The following TECRL variants were observed in gnomAD, a reference collection of about 807,000 sequenced individuals.
The protein encoded by TECRL is trans-2,3-enoyl-CoA reductase-like.
A neutral mutation model predicts 52.8 loss-of-function variants in TECRL; 63 were observed. The ratio of observed to expected loss-of-function variants is 1.19; its 90% confidence interval spans 0.97 to 1.47. TECRL has a LOEUF of 1.47. TECRL is among the 40% of genes most tolerant of loss of function. TECRL has a pLI of 0.00. For missense variants in TECRL, 482 were observed against 429.6 expected (o/e 1.12, Z -1.08); for synonymous variants, 164 against 141.9 (o/e 1.16, Z -1.10).
intron 1 of TECRL, among the ~76,000 whole-genome samples, chr4:64,393,952 T>C (rs560013436): frequency 6.6e-6 from 1 of 152,148 alleles, no homozygotes; most frequent in Non-Finnish European, 1.5e-5. Flanking sequence ...TCTAAATATA[T>C]GTATATATAT....
chr4:64,368,561 T>C (rs1721771614), intron 2 of TECRL, among the ~76,000 whole-genome samples: 1 of 152,180 alleles, frequency 6.6e-6, no homozygotes, highest in Non-Finnish European at 1.5e-5. Context: ...CCGAAAGTGC[T>C]GGGATTACAG....
intron 9 of TECRL, among the ~76,000 whole-genome samples, chr4:64,287,759 G>A (rs1723154935): frequency 6.6e-6 from 1 of 152,092 alleles, no homozygotes; most frequent in African/African-American, 2.4e-5. Flanking sequence ...TTTTGCTAAT[G>A]ACTTATTACT....
Position 64,399,422 on chromosome 4 carries a change from A to G in TECRL, c.234+9696T>C, listed in dbSNP as rs1442490954. Among the ~76,000 whole-genome samples, 5 of 152,222 alleles carry G rather than the reference A, an allele frequency of 3.3e-5. No homozygotes were observed. The East Asian group carries it at 9.6e-4, about 29-fold the overall frequency. On this transcript the variant is annotated intron_variant, in intron 1 of 11. Transcript: ENST00000381210. ...GAGTTTTTTGAGAAGTAATTCGAGC[A>G]GGCTACTGAGCAACCACTTGCTAGA...
chr4:64,406,412 A>G (rs1451426332), intron 1 of TECRL, among the ~76,000 whole-genome samples: 7 of 151,950 alleles, frequency 4.6e-5, no homozygotes, highest in Non-Finnish European at 1.0e-4. Context: ...AATCATGTCA[A>G]AGAATAATTA....
chr4:64,302,713 C>T (rs1489238451), intron 7 of TECRL, among the ~76,000 whole-genome samples: 2 of 151,008 alleles, frequency 1.3e-5, no homozygotes, highest in South Asian at 2.1e-4. Context: ...TAATCTTAAG[C>T]AGATGGGTTT....
At chr4:64,366,412 T>A (rs1407409511) in intron 2 of TECRL, among the ~76,000 whole-genome samples, 1 of 152,048 alleles carries the variant, frequency 6.6e-6, no homozygotes, top group Non-Finnish European at 1.5e-5. Context: ...GATTAACAAA[T>A]CTGATCTAAT....
intron 1 of TECRL, among the ~76,000 whole-genome samples, chr4:64,380,733 G>A (rs1432177722): frequency 6.6e-6 from 1 of 151,850 alleles, no homozygotes; most frequent in African/African-American, 2.4e-5. Flanking sequence ...TTTATATCTG[G>A]GTTCTATGTT....
rs1222074347 is a variant in TECRL, at chr4:64,347,693, A to G, written c.287-19137T>C. Among the ~76,000 whole-genome samples the G allele has an allele frequency of 3.3e-5, 5 of 152,118 alleles. No individual in the cohort carries two copies. The East Asian group carries it at 7.7e-4, about 24-fold the overall frequency. ...GTGTCATCACAACTCATTCACTATC[A>G]TAAGAACAGCAAGGAGGAAACGGCC... On this transcript the variant is annotated intron_variant, in intron 2 of 11. Coordinates refer to ENST00000381210, the MANE Select transcript of TECRL (RefSeq NM_001010874.5).
Position 64,395,871 on chromosome 4 carries a change from T to C in TECRL, c.234+13247A>G, listed in dbSNP as rs142076127. Among the ~76,000 whole-genome samples, 596 of 152,274 alleles carry C rather than the reference T, an allele frequency of 3.9e-3. 2 individuals are homozygous for C. The highest frequency in any genetic ancestry group is 0.013 in the African/African-American group (558 of 41,562). ...CCCCAGTGTCTATTGTTCCCTTTTA[T>C]GTGTCCATATGTAATCAATGTTTAG... On this transcript the variant is annotated intron_variant, in intron 1 of 11. Transcript: ENST00000381210.
intron 4 of TECRL, among the ~76,000 whole-genome samples, chr4:64,316,452 G>A (rs1717499579): frequency 6.6e-6 from 1 of 151,966 alleles, no homozygotes; most frequent in Non-Finnish European, 1.5e-5. Flanking sequence ...GTAACTTTTG[G>A]ACAATGCATT....
chr4:64,344,761 T>C (rs1291872475), intron 2 of TECRL, among the ~76,000 whole-genome samples: 1 of 152,174 alleles, frequency 6.6e-6, no homozygotes, highest in South Asian at 2.1e-4. Context: ...AAAATGACAA[T>C]CTGAAAACGT....
intron 8 of TECRL, among the ~76,000 whole-genome samples, chr4:64,299,766 G>A (rs1473246539): frequency 6.6e-6 from 1 of 150,686 alleles, no homozygotes; most frequent in Admixed American, 6.6e-5. Context: ...TCAACCTTTA[G>A]AGATGACTAC....
At chr4:64,336,625 G>A (rs573298088) in intron 2 of TECRL, among the ~76,000 whole-genome samples, 1 of 152,100 alleles carries the variant, frequency 6.6e-6, no homozygotes, top group Non-Finnish European at 1.5e-5. Flanking sequence ...GAACTTTCCC[G>A]CTTTCTCTTG....
At chr4:64,334,093 A>G (rs1231020887) in intron 2 of TECRL, among the ~76,000 whole-genome samples, 1 of 150,876 alleles carries the variant, frequency 6.6e-6, no homozygotes, top group Non-Finnish European at 1.5e-5. Flanking sequence ...GTCACTTTGA[A>G]TATGTTATTT....
intron 1 of TECRL, among the ~76,000 whole-genome samples, chr4:64,391,152 T>C (rs1196173828): frequency 1.3e-5 from 2 of 151,788 alleles, no homozygotes; most frequent in African/African-American, 4.8e-5. Context: ...GAGAGAACAA[T>C]GAAAATTTTA....
intron 2 of TECRL, among the ~76,000 whole-genome samples, chr4:64,339,332 G>A (rs577982): frequency 0.96 from 143,035 of 149,624 alleles, 68,703 homozygotes; most frequent in East Asian, 1. Flanking sequence ...TACCTAATGT[G>A]AATGACGTAA....
intron 2 of TECRL, among the ~76,000 whole-genome samples, chr4:64,365,683 G>A (rs911860134): frequency 6.6e-6 from 1 of 151,824 alleles, no homozygotes; most frequent in African/African-American, 2.4e-5. Flanking sequence ...AGAGGTAGAT[G>A]ATGTCTACAA....
intron 2 of TECRL, among the ~76,000 whole-genome samples, chr4:64,372,366 T>C (rs1395156063): frequency 6.6e-6 from 1 of 151,800 alleles, no homozygotes; most frequent in African/African-American, 2.4e-5. Flanking sequence ...TAATTTGTAG[T>C]TTTATATGCT....
chr4:64,385,824 C>T (rs1723143341), intron 1 of TECRL, among the ~76,000 whole-genome samples: 1 of 152,142 alleles, frequency 6.6e-6, no homozygotes, highest in Admixed American at 6.5e-5. Context: ...GGCTGAGGGG[C>T]TATCCCAGGG....
Sources: allele counts gnomAD v4.1 joint callset (sites outside exome capture counted in the v4.1 genomes callset), GRCh38; gene constraint gnomAD v4.1.1; transcripts MANE v1.5; gene names NCBI Gene and HGNC (gene_info 2026-07-23, HGNC 2026-07-21).